The following ADGRB3 variants were observed in gnomAD, a reference collection of about 807,000 sequenced individuals.
ADGRB3 encodes the protein adhesion G protein-coupled receptor B3.
A neutral mutation model predicts 193.4 loss-of-function variants in ADGRB3; 37 were observed. The ratio of observed to expected loss-of-function variants is 0.19; its 90% CI spans 0.15 to 0.25. The LOEUF is 0.25. Ranked by LOEUF, ADGRB3 falls within the 10% of genes least tolerant of loss-of-function variation. ADGRB3 has a pLI of 1.00. For missense variants in ADGRB3, 1,637 were observed against 1,852.9 expected (o/e 0.88, Z 2.14); for synonymous variants, 690 against 644.2 (o/e 1.07, Z -1.08).
intron 3 of ADGRB3, among the ~76,000 whole-genome samples, chr6:68,811,083 T>C (rs1314479829): frequency 6.6e-6 from 1 of 152,132 alleles, no homozygotes; most frequent in Non-Finnish European, 1.5e-5. Context: ...GAGATATATA[T>C]ATATATAGTC....
intron 3 of ADGRB3, among the ~76,000 whole-genome samples, chr6:68,898,889 C>T (rs1009572829): frequency 1.3e-5 from 2 of 151,994 alleles, no homozygotes; most frequent in African/African-American, 4.8e-5. Flanking sequence ...TTAAAGTCAT[C>T]AAAATGAATG....
At chr6:68,852,471 C>G (rs1407002921) in intron 3 of ADGRB3, among the ~76,000 whole-genome samples, 2 of 151,914 alleles carry the variant, frequency 1.3e-5, no homozygotes, top group African/African-American at 4.8e-5. Flanking sequence ...ATTATACACA[C>G]AATAACTTGT....
intron 3 of ADGRB3, among the ~76,000 whole-genome samples, chr6:68,678,667 GCC>G (rs1764819785): frequency 6.6e-6 from 1 of 152,104 alleles, no homozygotes; most frequent in African/African-American, 2.4e-5. Context: ...AAGAATTCCT[GCC>G]TTTGGATCTA....
chr6:69,300,128 A>AGT (rs1767918610), intron 20 of ADGRB3, among the ~76,000 whole-genome samples: 1 of 151,930 alleles, frequency 6.6e-6, no homozygotes. Context: ...ATCACAATCA[A>AGT]GTGAGATTCA....
intron 15 of ADGRB3, among the ~76,000 whole-genome samples, chr6:69,055,759 A>G (rs1377702713): frequency 6.6e-6 from 1 of 151,582 alleles, no homozygotes; most frequent in Non-Finnish European, 1.5e-5. Context: ...CAGGGTTCCA[A>G]TTTTCCCACA....
chr6:69,361,015 G>A lies in ADGRB3; in HGVS notation c.3742G>A (p.Val1248Ile). ...STLPGNVISK[V>I]IIQQPTGLHM... ...ATTGCCTGGAAATGTCATTTCCAAA[G>A]TCATCATCCAGCAACCCACAGGTTT... Residue 1248 changes from valine to isoleucine, a missense_variant, in exon 29 of 32, where the codon GTC becomes ATC. Val to Ile is a conservative substitution (Grantham distance 29). Coordinates refer to ENST00000370598, the MANE Select transcript of ADGRB3 (RefSeq NM_001704.3). 3 of 1,612,746 alleles carry A rather than the reference G, an allele frequency of 1.9e-6. No individual in the cohort carries two copies. Among genetic ancestry groups the A allele is most frequent in the Non-Finnish European group, 1.7e-6 (2 of 1,179,188 alleles).
chr6:68,791,304 G>A (rs931601353), intron 3 of ADGRB3, among the ~76,000 whole-genome samples: 1 of 152,180 alleles, frequency 6.6e-6, no homozygotes, highest in African/African-American at 2.4e-5. Context: ...GACCATGCAA[G>A]TGAATATTAG....
At chr6:68,665,231 T>A (rs1412124550) in intron 3 of ADGRB3, among the ~76,000 whole-genome samples, 1 of 151,824 alleles carries the variant, frequency 6.6e-6, no homozygotes, top group African/African-American at 2.4e-5. Context: ...AAATGATCCC[T>A]GAAAGTATAG....
chr6:68,803,063 ATAAC>A (rs1392774909), intron 3 of ADGRB3, among the ~76,000 whole-genome samples: 5 of 152,124 alleles, frequency 3.3e-5, no homozygotes, highest in Non-Finnish European at 5.9e-5. Context: ...CATATATTGA[ATAAC>A]TACCTCAAAT....
chr6:68,853,246 G>C (rs528954696), intron 3 of ADGRB3, among the ~76,000 whole-genome samples: 1 of 151,984 alleles, frequency 6.6e-6, no homozygotes, highest in Non-Finnish European at 1.5e-5. Flanking sequence ...GACAGAAATT[G>C]CCCACAGTAA....
intron 17 of ADGRB3, among the ~76,000 whole-genome samples, chr6:69,088,711 C>CT (rs1011944647): frequency 6.6e-6 from 1 of 152,186 alleles, no homozygotes; most frequent in Admixed American, 6.5e-5. Context: ...TGTTCTTGCT[C>CT]TTTTTCTTTT....
chr6:69,024,744 A>G (rs1770375061), intron 13 of ADGRB3, among the ~76,000 whole-genome samples: 1 of 152,216 alleles, frequency 6.6e-6, no homozygotes, highest in Non-Finnish European at 1.5e-5. Flanking sequence ...TTAAAGTAAG[A>G]TATTTTTCTT....
chr6:68,855,839 G>T (rs1379914341), intron 3 of ADGRB3, among the ~76,000 whole-genome samples: 1 of 152,088 alleles, frequency 6.6e-6, no homozygotes, highest in East Asian at 1.9e-4. Context: ...GGCAACAATA[G>T]TGAGACCCCC....
chr6:68,983,196 A>C (rs1393633869), intron 10 of ADGRB3, among the ~76,000 whole-genome samples: 2 of 152,026 alleles, frequency 1.3e-5, no homozygotes, highest in Non-Finnish European at 2.9e-5. Flanking sequence ...ATGTATATGA[A>C]ATATCTCTAA....
rs1055597025 is a variant in ADGRB3 at position 69,035,018 on chromosome 6, T to G, written c.2108-13167T>G. Among the ~76,000 whole-genome samples the G allele has an allele frequency of 3.3e-5, 5 of 152,194 alleles. No homozygotes were observed. In the South Asian group the frequency reaches 1.0e-3, roughly 32 times the overall value. ...GCTTCATATGGGAAAGACATGATGT[T>G]TTCAAATATAGAGTTGATGTGTTAA... On this transcript the variant is annotated intron_variant, in intron 13 of 31. Coordinates refer to ENST00000370598, the MANE Select transcript of ADGRB3 (RefSeq NM_001704.3).
At chr6:69,059,622 A>G (rs561938566) in intron 15 of ADGRB3, among the ~76,000 whole-genome samples, 137 of 152,302 alleles carry the variant, frequency 9.0e-4, no homozygotes, top group Non-Finnish European at 1.4e-3. Flanking sequence ...AGTGAATGCA[A>G]ATGTGCAGCC....
At position 69,274,915 on chromosome 6, in the gene ADGRB3, T is replaced by C. The variant is rs779887552; in HGVS notation, c.2814+35689T>C. Among the ~76,000 whole-genome samples the C allele has an allele frequency of 4.7e-4, 72 of 152,288 alleles. 1 individual carries two copies. The highest frequency in any genetic ancestry group is 7.4e-4 in the Non-Finnish European group (50 of 68,018). ...CTTAGAAATGTACTGATGTACTATT[T>C]GTGCTTCCCCAACCCTCCTCATCCC... On this transcript the variant is annotated intron_variant, in intron 20 of 31. Transcript: ENST00000370598.
At chr6:69,108,826 A>G (rs1773289601) in intron 17 of ADGRB3, among the ~76,000 whole-genome samples, 1 of 152,166 alleles carries the variant, frequency 6.6e-6, no homozygotes, top group African/African-American at 2.4e-5. Flanking sequence ...AAAGACAGGC[A>G]TGCAATGGGA....
At chr6:68,938,440 G>GTATATATATA (rs59120080) in intron 5 of ADGRB3, among the ~76,000 whole-genome samples, 71 of 144,710 alleles carry the variant, frequency 4.9e-4, no homozygotes, top group East Asian at 2.9e-3. Context: ...ATATTTTGAG[G>GTATATATATA]TATATATATA....
Sources: gnomAD v4.1 joint callset for allele counts (sites outside exome capture counted in the v4.1 genomes callset) on GRCh38, gnomAD v4.1.1 for gene constraint, MANE v1.5 for transcripts, NCBI Gene and HGNC (gene_info 2026-07-23, HGNC 2026-07-21) for gene names.